The following PTPRD variants were observed in gnomAD, a reference collection of about 807,000 sequenced individuals.
PTPRD encodes protein tyrosine phosphatase receptor type D.
PTPRD carries 34 observed loss-of-function variants against 214.5 expected under a neutral mutation model. The observed-to-expected ratio is 0.16, with a 90% confidence interval of 0.12 to 0.21. The LOEUF (loss-of-function observed/expected upper bound fraction) is 0.21, where lower values mean the gene tolerates loss of function less well. Among genes scored for constraint, PTPRD ranks in the 10% least tolerant of loss-of-function variants. The pLI is 1.00. For missense variants in PTPRD, 2,545 were observed against 2,398.7 expected (o/e 1.06, Z -1.27); for synonymous variants, 1,128 against 845.7 (o/e 1.33, Z -5.79).
At chr9:10,507,516 GCTGGAGGAATCACGCTAC>G (rs1388484334) in intron 2 of PTPRD, among the ~76,000 whole-genome samples, 1 of 152,032 alleles carries the variant, frequency 6.6e-6, no homozygotes, top group African/African-American at 2.4e-5. Context: ...AAAGAACAAA[GCTGGAGGAATCACGCTAC>G]CTGACTTCAA....
intron 8 of PTPRD, among the ~76,000 whole-genome samples, chr9:9,499,309 T>G (rs2096316793): frequency 6.6e-6 from 1 of 152,122 alleles, no homozygotes; most frequent in South Asian, 2.1e-4. Context: ...ATATGTGCAT[T>G]CATGGCAGGG....
chr9:8,791,030 T>C (rs1390773705), intron 11 of PTPRD, among the ~76,000 whole-genome samples: 1 of 152,114 alleles, frequency 6.6e-6, no homozygotes, highest in Non-Finnish European at 1.5e-5. Flanking sequence ...CACACCATAT[T>C]TGAAGCTGGT....
At chr9:8,982,668 C>T (rs1312656268) in intron 11 of PTPRD, among the ~76,000 whole-genome samples, 1 of 151,834 alleles carries the variant, frequency 6.6e-6, no homozygotes, top group Non-Finnish European at 1.5e-5. Flanking sequence ...TTCTAAAATA[C>T]TTCTATCTCA....
At chr9:8,664,386 T>C (rs1179390367) in intron 12 of PTPRD, among the ~76,000 whole-genome samples, 2 of 152,226 alleles carry the variant, frequency 1.3e-5, no homozygotes, top group Admixed American at 1.3e-4. Flanking sequence ...AGAACACAAG[T>C]GTGTAGATGC....
chr9:9,500,515 G>T (rs1289364401), intron 8 of PTPRD, among the ~76,000 whole-genome samples: 1 of 152,064 alleles, frequency 6.6e-6, no homozygotes, highest in East Asian at 1.9e-4. Flanking sequence ...ACTGGATTTG[G>T]TTGGATAGGG....
chr9:9,779,412 A>T (rs2476589), intron 5 of PTPRD, among the ~76,000 whole-genome samples: 1 of 152,002 alleles, frequency 6.6e-6, no homozygotes, highest in South Asian at 2.1e-4. Flanking sequence ...CAGAATAAAC[A>T]GACAACATGC....
rs79209686 is a variant in PTPRD at position 8,986,741 on chromosome 9, G to C, written c.-104+31956C>G. Among the ~76,000 whole-genome samples the C allele has an allele frequency of 6.7e-3, 1,024 of 152,126 alleles. 12 individuals are homozygous for C. The highest frequency in any genetic ancestry group is 0.024 in the African/African-American group (977 of 41,524). ...TGATTAACTAGATTGGGAAGTGCCA[G>C]ATACAAATGTGTAAGCATTTTAAAT... On this transcript the variant is annotated intron_variant, in intron 11 of 45. Transcript: ENST00000381196.
chr9:8,463,758 G>A (rs1334707469), intron 32 of PTPRD, among the ~76,000 whole-genome samples: 2 of 151,912 alleles, frequency 1.3e-5, no homozygotes, highest in East Asian at 1.9e-4. Flanking sequence ...AGGATTAGGG[G>A]ATAGCTTGTG....
At chr9:9,463,816 AC>A (rs1468536390) in intron 8 of PTPRD, among the ~76,000 whole-genome samples, 2 of 151,998 alleles carry the variant, frequency 1.3e-5, no homozygotes, top group Non-Finnish European at 2.9e-5. Context: ...AAGTCTTAAA[AC>A]TTGAGAAACT....
chr9:9,397,010 T>C (rs1569567975), intron 9 of PTPRD, among the ~76,000 whole-genome samples: 2 of 152,162 alleles, frequency 1.3e-5, no homozygotes, highest in South Asian at 4.1e-4. Flanking sequence ...AAGGCAATTA[T>C]GTAAGCTAAG....
chr9:10,065,180 A>AAAGAAAGAAAGAAAGGAAGAAAGG (rs147434150), intron 3 of PTPRD, among the ~76,000 whole-genome samples: 1 of 150,196 alleles, frequency 6.7e-6, no homozygotes, highest in Non-Finnish European at 1.5e-5. Context: ...AGAAAGAAAG[A>AAAGAAAGAAAGAAAGGAAGAAAGG]AAGAAAGAAA....
At chr9:9,796,446 G>A (rs1201481177) in intron 5 of PTPRD, among the ~76,000 whole-genome samples, 2 of 152,074 alleles carry the variant, frequency 1.3e-5, no homozygotes, top group South Asian at 2.1e-4. Flanking sequence ...TGGCTCTGAT[G>A]TTCAGGAGAA....
At chr9:9,834,220 C>A (rs1194796343) in intron 5 of PTPRD, among the ~76,000 whole-genome samples, 1 of 151,996 alleles carries the variant, frequency 6.6e-6, no homozygotes, top group African/African-American at 2.4e-5. Context: ...TGTTTGGGGT[C>A]CCTGACTTCC....
At chr9:10,035,429 T>C (rs2097162631) in intron 3 of PTPRD, among the ~76,000 whole-genome samples, 1 of 152,180 alleles carries the variant, frequency 6.6e-6, no homozygotes, top group Non-Finnish European at 1.5e-5. Context: ...AGAAGCTCTG[T>C]AGTTTAATTT....
chr9:8,554,244 A>C (rs1016083329), intron 14 of PTPRD, among the ~76,000 whole-genome samples: 9 of 152,176 alleles, frequency 5.9e-5, no homozygotes, highest in African/African-American at 2.2e-4. Flanking sequence ...GAAGGATTTA[A>C]AAAATAAATA....
At chr9:9,775,001 T>C (rs981514044) in intron 5 of PTPRD, among the ~76,000 whole-genome samples, 1 of 152,164 alleles carries the variant, frequency 6.6e-6, no homozygotes, top group African/African-American at 2.4e-5. Context: ...ATTATCGAAA[T>C]GTAGCATTAG....
intron 10 of PTPRD, among the ~76,000 whole-genome samples, chr9:9,156,455 T>C (rs2099881275): frequency 6.6e-6 from 1 of 151,304 alleles, no homozygotes; most frequent in Non-Finnish European, 1.5e-5. Flanking sequence ...TTTATAAAAA[T>C]ACTTTTATAT....
chr9:9,314,594 C>A (rs188631616), intron 9 of PTPRD, among the ~76,000 whole-genome samples: 1 of 152,012 alleles, frequency 6.6e-6, no homozygotes, highest in South Asian at 2.1e-4. Context: ...GTTTTTCCCT[C>A]ATGTCTCCAG....
intron 5 of PTPRD, among the ~76,000 whole-genome samples, chr9:9,931,426 G>A (rs1021384132): frequency 2.6e-5 from 4 of 152,206 alleles, no homozygotes; most frequent in African/African-American, 9.6e-5. Flanking sequence ...AGTGCAAGGT[G>A]TCAGGGAGTT....
Sources: gnomAD v4.1 joint callset for allele counts (sites outside exome capture counted in the v4.1 genomes callset) on GRCh38, gnomAD v4.1.1 for gene constraint, MANE v1.5 for transcripts, NCBI Gene and HGNC (gene_info 2026-07-23, HGNC 2026-07-21) for gene names.